Variants in CCDC38 observed in about 807,000 individuals in gnomAD.
CCDC38 encodes the protein coiled-coil domain containing 38, also known as coiled-coil domain-containing protein 38.
In CCDC38, 69 loss-of-function variants were observed where a neutral mutation model predicts 72.8. The observed-to-expected ratio is 0.95, with a 90% CI of 0.78 to 1.16. The LOEUF (loss-of-function observed/expected upper bound fraction) is 1.16, where lower values mean the gene tolerates loss of function less well. Among genes scored for constraint, CCDC38 ranks in the 50% most tolerant of loss-of-function variants. The probability of loss-of-function intolerance (pLI) is 0.00; values close to 1 mark genes in which losing one functional copy is unlikely to be tolerated. For synonymous variants in CCDC38, 201 were observed against 213.2 expected (o/e 0.94, Z 0.50); for missense variants, 626 against 638.9 (o/e 0.98, Z 0.22).
chr12:95,933,669 C>G (rs1189314189), intron 2 of CCDC38: 2 of 152,206 alleles, frequency 1.3e-5, no homozygotes, highest in Non-Finnish European at 2.9e-5. Flanking sequence ...TTCAGCAATT[C>G]TATTCCTAGG....
intron 8 of CCDC38, 35 bp from the exon 9 acceptor site, chr12:95,890,965 A>G: frequency 6.6e-6 from 8 of 1,208,936 alleles, no homozygotes; most frequent in Non-Finnish European, 9.6e-6. Flanking sequence ...AGAGACAGAG[A>G]AAGATGGGGG....
chr12:95,906,935 A>T (rs1027653482), intron 4 of CCDC38, among the ~76,000 whole-genome samples: 16 of 150,688 alleles, frequency 1.1e-4, no homozygotes, highest in Middle Eastern at 3.2e-3. Context: ...CAAGTGAACA[A>T]AGGTCTCTGG....
intron 2 of CCDC38, among the ~76,000 whole-genome samples, chr12:95,921,293 G>A (rs1480069279): frequency 1.3e-5 from 2 of 151,862 alleles, no homozygotes; most frequent in African/African-American, 4.8e-5. Flanking sequence ...TGGAAATCTT[G>A]GCTTTCAAAA....
intron 5 of CCDC38, among the ~76,000 whole-genome samples, chr12:95,902,020 A>G (rs954032176): frequency 3.9e-5 from 6 of 152,264 alleles, no homozygotes; most frequent in African/African-American, 1.4e-4. Context: ...GTTTTTGAAA[A>G]CTATTACAAG....
intron 2 of CCDC38, among the ~76,000 whole-genome samples, chr12:95,923,614 C>T (rs937249126): frequency 8.4e-4 from 128 of 151,934 alleles, no homozygotes; most frequent in African/African-American, 2.3e-3. Context: ...CATATGTATA[C>T]ATGTGCCATG....
chr12:95,868,947 C>T (rs940565420), intron 15 of CCDC38, among the ~76,000 whole-genome samples: 1 of 152,106 alleles, frequency 6.6e-6, no homozygotes, highest in Non-Finnish European at 1.5e-5. Flanking sequence ...TACACAGTCC[C>T]CACAGTTACA....
At chr12:95,883,073 T>C (rs1227291124) in intron 10 of CCDC38, among the ~76,000 whole-genome samples, 1 of 152,230 alleles carries the variant, frequency 6.6e-6, no homozygotes, top group Non-Finnish European at 1.5e-5. Context: ...CCGTTCAAAG[T>C]CCTGTCAGTG....
chr12:95,909,022 G>C (rs2080061792), intron 4 of CCDC38, among the ~76,000 whole-genome samples: 1 of 152,098 alleles, frequency 6.6e-6, no homozygotes, highest in Admixed American at 6.5e-5. Flanking sequence ...ACTGTAGCTA[G>C]CAGAAGAAAA....
intron 4 of CCDC38, among the ~76,000 whole-genome samples, chr12:95,909,711 G>T (rs1179063611): frequency 6.6e-6 from 1 of 152,106 alleles, no homozygotes; most frequent in Non-Finnish European, 1.5e-5. Flanking sequence ...CCACAATCAA[G>T]TGGGCTTTAC....
chr12:95,894,813 CT>C (rs1220364830), intron 8 of CCDC38, among the ~76,000 whole-genome samples, 175 bp downstream of exon 8: 1 of 152,138 alleles, frequency 6.6e-6, no homozygotes, highest in African/African-American at 2.4e-5. Context: ...GGCAAAGACA[CT>C]TTATATCTGA....
chr12:95,930,534 T>C (rs1310194669), intron 2 of CCDC38, among the ~76,000 whole-genome samples: 1 of 152,146 alleles, frequency 6.6e-6, no homozygotes, highest in Non-Finnish European at 1.5e-5. Context: ...TGTTCTCTTA[T>C]AAGGACACTA....
intron 1 of CCDC38, 37 bp from the exon 2 acceptor site, chr12:95,936,560 C>T (rs760177388): frequency 4.0e-5 from 62 of 1,559,444 alleles, no homozygotes; most frequent in Non-Finnish European, 5.3e-5. Context: ...TTTAAAAATT[C>T]TATGAACATC....
At chr12:95,907,592 C>T (rs80290712) in intron 4 of CCDC38, among the ~76,000 whole-genome samples, 1 of 138,068 alleles carries the variant, frequency 7.2e-6, no homozygotes, top group Non-Finnish European at 1.6e-5. Flanking sequence ...GACACCCCCA[C>T]CTCCCTCCCG....
intron 3 of CCDC38, 33 bp from the exon 4 acceptor site, chr12:95,917,327 A>G: frequency 6.6e-7 from 1 of 1,521,114 alleles, no homozygotes. Flanking sequence ...AAGAATTTTT[A>G]ATATACCAAA....
At chr12:95,920,621 T>A (rs1489595929) in intron 2 of CCDC38, among the ~76,000 whole-genome samples, 2 of 152,152 alleles carry the variant, frequency 1.3e-5, no homozygotes, top group Admixed American at 6.5e-5. Context: ...CATTATATGA[T>A]TCCATTTATA....
At chr12:95,927,498 C>T (rs4762641) in intron 2 of CCDC38, among the ~76,000 whole-genome samples, 78,393 of 150,012 alleles carry the variant, frequency 0.52, 21,156 homozygotes, top group East Asian at 0.92. Context: ...ATCCAATTTG[C>T]CAGTCTGTGC....
At chr12:95,894,106 C>G (rs928316079) in intron 8 of CCDC38, among the ~76,000 whole-genome samples, 1 of 152,114 alleles carries the variant, frequency 6.6e-6, no homozygotes, top group Non-Finnish European at 1.5e-5. Context: ...GTAGTCCCAG[C>G]TACTCAGGAG....
At chr12:95,910,921 C>G (rs2080087013) in intron 4 of CCDC38, among the ~76,000 whole-genome samples, 1 of 151,860 alleles carries the variant, frequency 6.6e-6, no homozygotes, top group African/African-American at 2.4e-5. Flanking sequence ...CAAAATAGAG[C>G]CCAAATAGCC....
At chr12:95,908,450 A>C (rs1401911914) in intron 4 of CCDC38, among the ~76,000 whole-genome samples, 3 of 1,094 alleles carry the variant, frequency 2.7e-3, no homozygotes, top group Non-Finnish European at 4.3e-3. Context: ...GGAAAGAGGG[A>C]GAGGGAGAGG....
Sources: gnomAD v4.1 joint callset for allele counts (sites outside exome capture counted in the v4.1 genomes callset) on GRCh38, gnomAD v4.1.1 for gene constraint, MANE v1.5 for transcripts, NCBI Gene and HGNC (gene_info 2026-07-23, HGNC 2026-07-21) for gene names.